The following GUCY2C variants were observed in gnomAD, a reference collection of about 807,000 sequenced individuals.
GUCY2C encodes guanylyl cyclase C.
GUCY2C carries 118 observed loss-of-function variants against 131.1 expected under a neutral mutation model. The observed-to-expected ratio is 0.90, with a 90% CI of 0.78 to 1.05. GUCY2C has a LOEUF of 1.05. GUCY2C is among the 50% of genes least tolerant of loss of function. The pLI is 0.00. For synonymous variants in GUCY2C, 452 were observed against 457.8 expected (o/e 0.99, Z 0.16); for missense variants, 1,161 against 1,304.4 (o/e 0.89, Z 1.69).
chr12:14,683,165 G>A lies in GUCY2C; in HGVS notation c.488C>T (p.Pro163Leu). 1 of 1,613,098 alleles carries A rather than the reference G, an allele frequency of 6.2e-7. No homozygotes were observed. Among genetic ancestry groups the A allele is most frequent in the Non-Finnish European group, 8.5e-7 (1 of 1,179,152 alleles). The part of the protein sequence containing the change: ...YKETLTRLMS[P>L]ARKLMYFLVN... ...CAAGAAGTACATCAACTTTCTAGCT[G>A]GAGACATCAGCCTGGTTAAGGTTTC... Residue 163 changes from proline (P) to leucine (L), a missense_variant, in exon 4 of 27, where the codon CCA becomes CTA. By Grantham distance (98) the Pro-to-Leu change is moderately conservative (BLOSUM62 -3). Transcript: ENST00000261170.
chr12:14,645,592 G>A (rs75081537), intron 15 of GUCY2C, among the ~76,000 whole-genome samples: 5,710 of 152,180 alleles, frequency 0.038, 352 homozygotes, highest in African/African-American at 0.13. Context: ...AGCAGCAGGC[G>A]GGGAGACTGC....
chr12:14,651,390 T>C lies in GUCY2C; in HGVS notation c.1710+17A>G. 1.8e-6 allele frequency: 2 copies of C among 1,142,498 alleles called. No individual in the cohort carries two copies. Among genetic ancestry groups the C allele is most frequent in the Non-Finnish European group, 2.6e-6 (2 of 757,740 alleles). The allele number at this position is 1,142,498 out of a possible 1,614,324, so 70.8% of individuals were successfully genotyped here. A position where few individuals can be genotyped will look rare whatever the true frequency, so the allele number is the denominator to read the frequency against. ...TTTTATATGATTAGAAAATTGGAAA[T>C]GACCATGGTTTCTTACCCGGAGGGA... On this transcript the variant is annotated intron_variant, in intron 15 of 26. Coordinates refer to ENST00000261170, the MANE Select transcript of GUCY2C (RefSeq NM_004963.4).
At chr12:14,650,691 G>A (rs181045370) in intron 15 of GUCY2C, among the ~76,000 whole-genome samples, 2 of 152,218 alleles carry the variant, frequency 1.3e-5, no homozygotes, top group Non-Finnish European at 2.9e-5. Flanking sequence ...CTGCAATACA[G>A]CAAATGAATT....
At chr12:14,679,779 A>G (rs758829555) in intron 5 of GUCY2C, 26 bp from the exon 6 acceptor site, 75 of 1,168,346 alleles carry the variant, frequency 6.4e-5, no homozygotes, top group Admixed American at 1.7e-5. Context: ...AGACAAGGAG[A>G]GAAATATATG....
chr12:14,662,371 T>C (rs1035912570), intron 10 of GUCY2C, among the ~76,000 whole-genome samples: 4 of 151,950 alleles, frequency 2.6e-5, no homozygotes, highest in African/African-American at 9.7e-5. Flanking sequence ...AAGGGAGACA[T>C]TGGGGCTATA....
At chr12:14,675,508 A>AAAAACC (rs1237395379) in intron 7 of GUCY2C, among the ~76,000 whole-genome samples, 9 of 152,224 alleles carry the variant, frequency 5.9e-5, no homozygotes, top group Non-Finnish European at 1.2e-4. Flanking sequence ...ATCAAAAACC[A>AAAAACC]AAAACAATCC....
At position 14,658,412 on chromosome 12, in the gene GUCY2C, C is replaced by T. The variant is rs147706367; in HGVS notation, c.1365-1795G>A. Among the ~76,000 whole-genome samples the T allele has an allele frequency of 6.6e-5, 10 of 152,316 alleles. No individual in the cohort carries two copies. In the East Asian group the frequency reaches 1.9e-3, roughly 29 times the overall value. On this transcript the variant is annotated intron_variant, in intron 11 of 26. Coordinates refer to ENST00000261170, the MANE Select transcript of GUCY2C (RefSeq NM_004963.4). ...TTTTTATTGGACAGGCACAGTGGCT[C>T]ACACCTATAATCCCAGTACATTGGG...
intron 20 of GUCY2C, among the ~76,000 whole-genome samples, chr12:14,627,496 A>G (rs1176193471): frequency 6.6e-6 from 1 of 152,214 alleles, no homozygotes; most frequent in Non-Finnish European, 1.5e-5. Context: ...AATTGATTCA[A>G]TTAAAACAGT....
At chr12:14,695,656 A>G (rs1329680327) in intron 1 of GUCY2C, among the ~76,000 whole-genome samples, 1 of 150,588 alleles carries the variant, frequency 6.6e-6, no homozygotes, top group Non-Finnish European at 1.5e-5. Context: ...CTTTCTCTGG[A>G]TAAAAGGCCC....
chr12:14,683,370 C>G, intron 3 of GUCY2C, 113 bp from the exon 4 acceptor site: 1 of 679,666 alleles, frequency 1.5e-6, no homozygotes, highest in Admixed American at 2.6e-5. Flanking sequence ...AGAATGAAAT[C>G]GGATCATTAA....
At chr12:14,634,876 ATT>A (rs1200380231) in intron 19 of GUCY2C, among the ~76,000 whole-genome samples, 2 of 152,244 alleles carry the variant, frequency 1.3e-5, no homozygotes, top group Non-Finnish European at 2.9e-5. Context: ...GTCATAGGTC[ATT>A]ATATAATGAT....
intron 21 of GUCY2C, among the ~76,000 whole-genome samples, chr12:14,623,381 C>T (rs1284725355): frequency 2.0e-5 from 3 of 152,154 alleles, no homozygotes; most frequent in South Asian, 2.1e-4. Flanking sequence ...CCAGAGTATC[C>T]GGAGAAACCT....
chr12:14,684,331 C>A (rs1220602424), intron 3 of GUCY2C, among the ~76,000 whole-genome samples: 1 of 151,344 alleles, frequency 6.6e-6, no homozygotes, highest in East Asian at 1.9e-4. Flanking sequence ...ACATGTACTT[C>A]TCTCCCTCTG....
At chr12:14,669,970 C>T (rs184948397) in intron 9 of GUCY2C, 137 bp from the exon 10 acceptor site, 2 of 526,758 alleles carry the variant, frequency 3.8e-6, no homozygotes, top group Non-Finnish European at 3.3e-6. Context: ...TGTTAACCAG[C>T]TAGTTAGGAT....
At chr12:14,684,359 T>C (rs991392573) in intron 3 of GUCY2C, among the ~76,000 whole-genome samples, 3 of 151,716 alleles carry the variant, frequency 2.0e-5, no homozygotes, top group Non-Finnish European at 4.4e-5. Context: ...AGAAAGCTCA[T>C]CTCCTCATCT....
chr12:14,651,564 G>A, intron 14 of GUCY2C, 53 bp from the exon 15 acceptor site: 2 of 902,362 alleles, frequency 2.2e-6, no homozygotes, highest in South Asian at 2.7e-5. Context: ...GGGTGCCAAA[G>A]TAAAAATTAA....
rs769518113 is a variant in GUCY2C, at chr12:14,651,439, C to A, written c.1678G>T (p.Val560Leu). The A allele has an allele frequency of 1.2e-6, 2 of 1,600,080 alleles. No individual in the cohort carries two copies. Among genetic ancestry groups the A allele is most frequent in the East Asian group, 2.2e-5 (1 of 44,784 alleles). ...GATCCTCTCTCACAGTATTCTATCA[C>A]CCCGAAGATCATGGTATCAAGTTTC... ...TVKLDTMIFG[V>L]IEYCERGSLR... The change falls in exon 15 of 27, where the codon GTG (valine) becomes TTG (leucine). Residue 560 changes from valine (V) to leucine (L), a missense_variant. Physicochemically the swap from Val to Leu is conservative, Grantham distance 32. Coordinates refer to ENST00000261170, the MANE Select transcript of GUCY2C (RefSeq NM_004963.4).
intron 7 of GUCY2C, among the ~76,000 whole-genome samples, chr12:14,675,866 A>T (rs1352953642): frequency 6.6e-6 from 1 of 152,252 alleles, no homozygotes; most frequent in Non-Finnish European, 1.5e-5. Context: ...CTGGAAAAAT[A>T]AAACTTTCAT....
In GUCY2C at chr12:14,619,245, G is replaced by A. The variant is rs2136977038; in HGVS notation, c.2841C>T (p.Val947=). The change falls in exon 24 of 27, where the codon GTC becomes GTT. Residue 947 remains valine, a synonymous_variant. Transcript: ENST00000261170. ...MPRYCLFGDT[V]NTASRMESTG... ...TGGATTCCATCCTAGAGGCTGTGTT[G>A]ACCGTATCTCCAAATAGACAATAAC... 6.2e-7 allele frequency: 1 copy of A among 1,611,690 alleles called. No homozygotes were observed.
Sources: allele counts gnomAD v4.1 joint callset (sites outside exome capture counted in the v4.1 genomes callset), GRCh38; gene constraint gnomAD v4.1.1; transcripts MANE v1.5; gene names NCBI Gene and HGNC (gene_info 2026-07-23, HGNC 2026-07-21).